OR56A3: variants seen among roughly 807,000 people sequenced by gnomAD.
The protein encoded by OR56A3 is olfactory receptor 56A3.
Under a neutral mutation model 17.5 loss-of-function variants are expected in OR56A3, and 23 were observed. That is an observed-to-expected ratio of 1.32 (90% CI 0.95 to 1.87). The LOEUF (loss-of-function observed/expected upper bound fraction) is 1.87, where lower values mean the gene tolerates loss of function less well. Ranked by LOEUF, OR56A3 falls within the 40% of genes most tolerant of loss-of-function variation. The pLI, the probability that OR56A3 is intolerant of heterozygous loss-of-function variation, is 0.00. For synonymous variants in OR56A3, 175 were observed against 150.6 expected (o/e 1.16, Z -1.19); for missense variants, 366 against 380.1 (o/e 0.96, Z 0.31).
the OR56A3 span, among the ~76,000 whole-genome samples, chr11:5,972,818 A>T: frequency 6.6e-6 from 1 of 152,118 alleles, no homozygotes; most frequent in South Asian, 2.1e-4. Context: ...TAGTAGAGAC[A>T]GGGTTTCACG....
chr11:5,944,775 G>C (rs1400309296), intron 1 of OR56A3, 31 bp from the exon 2 acceptor site: 2 of 152,178 alleles, frequency 1.3e-5, no homozygotes, highest in Admixed American at 6.5e-5. Flanking sequence ...GAACTTATCA[G>C]GTCATTACTA....
At chr11:5,986,698 T>C in the OR56A3 span, 5 of 1,613,702 alleles carry the variant, frequency 3.1e-6, no homozygotes, top group Middle Eastern at 1.6e-4. Flanking sequence ...CAGGAAGAGG[T>C]ACATAGATTG....
chr11:5,962,320 C>A, the OR56A3 span, among the ~76,000 whole-genome samples: 1 of 152,118 alleles, frequency 6.6e-6, no homozygotes, highest in Non-Finnish European at 1.5e-5. Context: ...TTTCTGCATC[C>A]ATTTTCATCA....
At chr11:6,003,248 A>C in the OR56A3 span, 10 of 716,918 alleles carry the variant, frequency 1.4e-5, no homozygotes, top group African/African-American at 3.6e-5. Flanking sequence ...GGAGTAATTA[A>C]TATTGTTATC....
chr11:5,960,276 G>A, the OR56A3 span, among the ~76,000 whole-genome samples: 4 of 140,142 alleles, frequency 2.9e-5, no homozygotes, highest in East Asian at 2.1e-4. Context: ...CACGGTCCTC[G>A]TCTCCCCTTT....
At chr11:5,967,670 G>A in the OR56A3 span, 6 of 1,613,896 alleles carry the variant, frequency 3.7e-6, no homozygotes, top group East Asian at 6.7e-5. Context: ...GCAGGATGGG[G>A]ACATCCGGAG....
chr11:6,002,392 A>G, the OR56A3 span: 7 of 1,614,024 alleles, frequency 4.3e-6, no homozygotes, highest in African/African-American at 4.0e-5. Context: ...ACAAACTGGT[A>G]GAGCTGATTG....
chr11:6,004,423 A>G, the OR56A3 span, among the ~76,000 whole-genome samples: 6 of 152,166 alleles, frequency 3.9e-5, no homozygotes, highest in African/African-American at 1.4e-4. Context: ...CTGATCTTTC[A>G]CCCCTGTCCC....
chr11:5,995,767 A>G, the OR56A3 span, among the ~76,000 whole-genome samples: 1 of 152,082 alleles, frequency 6.6e-6, no homozygotes, highest in Non-Finnish European at 1.5e-5. Context: ...CTATCTTTTC[A>G]TTTTTCAAGA....
At chr11:5,972,549 TA>T in the OR56A3 span, among the ~76,000 whole-genome samples, 2 of 152,130 alleles carry the variant, frequency 1.3e-5, no homozygotes, top group Admixed American at 1.3e-4. Flanking sequence ...CTTCCGAATC[TA>T]GAGGGTTTTA....
chr11:5,967,543 A>G, the OR56A3 span: 1 of 1,533,668 alleles, frequency 6.5e-7, no homozygotes, highest in Non-Finnish European at 8.8e-7. Flanking sequence ...GGTTGCATTC[A>G]TTTTATTTTT....
At chr11:5,994,957 G>T in the OR56A3 span, 13 of 730,630 alleles carry the variant, frequency 1.8e-5, no homozygotes, top group Admixed American at 3.6e-5. Flanking sequence ...CCAGACCCCC[G>T]GCCATCCCTG....
In OR56A3 at chr11:5,948,351, G is replaced by A; in HGVS notation, c.*57G>A. On this transcript the variant is annotated 3_prime_UTR_variant, in exon 3 of 3. Transcript: ENST00000641160. ...TAAGATAATTTATTAATCACTTAAT[G>A]AGTGAGTGGGCTGAAATTCATATCT... The A allele has an allele frequency of 2.5e-6, 3 of 1,185,968 alleles. No individual in the cohort carries two copies. Among genetic ancestry groups the A allele is most frequent in the South Asian group, 1.4e-5 (1 of 70,286 alleles). The allele number at this position is 1,185,968 out of a possible 1,614,324, so 73.5% of individuals were successfully genotyped here.
the OR56A3 span, among the ~76,000 whole-genome samples, chr11:6,013,716 G>A: frequency 6.6e-6 from 1 of 152,076 alleles, no homozygotes; most frequent in Non-Finnish European, 1.5e-5. Context: ...ACATCTGGGG[G>A]TTTGGAAATC....
At chr11:5,946,667 A>G (rs916823311) in intron 2 of OR56A3, among the ~76,000 whole-genome samples, 1 of 152,250 alleles carries the variant, frequency 6.6e-6, no homozygotes, top group African/African-American at 2.4e-5. Context: ...AAGCCTAAAA[A>G]TATGAACATC....
At chr11:6,005,508 C>T in the OR56A3 span, among the ~76,000 whole-genome samples, 1 of 152,154 alleles carries the variant, frequency 6.6e-6, no homozygotes, top group South Asian at 2.1e-4. Context: ...GGCATTGTCA[C>T]GTACATTGTA....
chr11:5,986,144 T>C, the OR56A3 span: 109 of 1,613,796 alleles, frequency 6.8e-5, no homozygotes, highest in African/African-American at 7.9e-4. Context: ...ATGACACAAA[T>C]ATGAGAGCCA....
At chr11:6,007,066 C>A in the OR56A3 span, 66,303 of 152,028 alleles carry the variant, frequency 0.44, 16,546 homozygotes, top group East Asian at 0.93. Context: ...GATCCTGGGG[C>A]CCTATGGTCC....
chr11:5,977,178 A>C, the OR56A3 span, among the ~76,000 whole-genome samples: 8 of 152,282 alleles, frequency 5.3e-5, no homozygotes, highest in East Asian at 1.5e-3. Context: ...TGAACATTCA[A>C]ATGCATGTAT....
Sources: gnomAD v4.1 joint callset for allele counts (sites outside exome capture counted in the v4.1 genomes callset) on GRCh38, gnomAD v4.1.1 for gene constraint, MANE v1.5 for transcripts, NCBI Gene and HGNC (gene_info 2026-07-23, HGNC 2026-07-21) for gene names.